FOXK2: variants seen among roughly 807,000 people sequenced by gnomAD.
The protein encoded by FOXK2 is forkhead box protein K2.
In FOXK2, 24 loss-of-function variants were observed where a neutral mutation model predicts 53.3. The ratio of observed to expected loss-of-function variants is 0.45; its 90% confidence interval spans 0.33 to 0.63. FOXK2 has a LOEUF of 0.63. FOXK2 is among the 30% of genes least tolerant of loss of function. FOXK2 has a pLI of 0.03. For missense variants in FOXK2, 952 were observed against 910.5 expected, an observed-to-expected ratio of 1.05 and a Z score of -0.59; for synonymous variants, 505 against 407.1, an observed-to-expected ratio of 1.24 and a Z score of -2.89.
intron 1 of FOXK2, among the ~76,000 whole-genome samples, chr17:82,530,603 C>T (rs1466028072): frequency 2.0e-5 from 3 of 151,056 alleles, no homozygotes; most frequent in Admixed American, 6.6e-5. Context: ...GTCCTCCTCC[C>T]GGGTTCAAAC....
At chr17:82,527,297 T>C (rs149250020) in intron 1 of FOXK2, among the ~76,000 whole-genome samples, 2,311 of 151,102 alleles carry the variant, frequency 0.015, 45 homozygotes, top group East Asian at 0.075. Flanking sequence ...TGCACCACCA[T>C]GCTGGCTAAT....
chr17:82,566,935 T>C (rs370177091), intron 2 of FOXK2, among the ~76,000 whole-genome samples: 1 of 152,254 alleles, frequency 6.6e-6, no homozygotes. Flanking sequence ...GTTGGCTCTT[T>C]AAACTCATAA....
chr17:82,603,913 T>A lies in FOXK2; in HGVS notation c.*2414T>A, dbSNP rs2045417607. On this transcript the variant is annotated 3_prime_UTR_variant, in exon 9 of 9. Coordinates refer to ENST00000335255, the MANE Select transcript of FOXK2 (RefSeq NM_004514.4). The stretch of plus-strand genomic sequence containing the variant: ...AGTAACAAACCATAGATGAGCAGAC[T>A]CCCACACCGGGTTTTCTTGCCCGTC... The A allele has an allele frequency of 6.6e-6, 1 of 152,148 alleles. No individual in the cohort carries two copies. Among genetic ancestry groups the A allele is most frequent in the Non-Finnish European group, 1.5e-5 (1 of 68,024 alleles). 9.4% of individuals were successfully genotyped at this position (152,148 alleles called of 1,614,324 possible). A position where few individuals can be genotyped will look rare whatever the true frequency, so the allele number is the denominator to read the frequency against.
chr17:82,582,150 C>T (rs2045071416), intron 4 of FOXK2, among the ~76,000 whole-genome samples: 2 of 152,290 alleles, frequency 1.3e-5, no homozygotes, highest in African/African-American at 4.8e-5. Flanking sequence ...TGGCTCACAT[C>T]AGCTCTGTTT....
At chr17:82,527,895 G>A (rs1380262844) in intron 1 of FOXK2, among the ~76,000 whole-genome samples, 26 of 152,110 alleles carry the variant, frequency 1.7e-4, no homozygotes, top group Admixed American at 1.6e-3. Context: ...TGAACTCCTG[G>A]ACTCAAGCGA....
At chr17:82,561,381 C>G (rs930088701) in intron 1 of FOXK2, among the ~76,000 whole-genome samples, 1 of 152,002 alleles carries the variant, frequency 6.6e-6, no homozygotes, top group Non-Finnish European at 1.5e-5. Flanking sequence ...GTGTAGAGTT[C>G]AAGGTCTGAG....
In FOXK2 at chr17:82,579,103, AG is replaced by A. The variant is rs147089483; in HGVS notation, c.910-3634del. Among the ~76,000 whole-genome samples, 1,102 of 152,266 alleles carry A rather than the reference AG, an allele frequency of 7.2e-3. 9 individuals carry two copies. Among genetic ancestry groups the A allele is most frequent in the African/African-American group, 0.026 (1,066 of 41,540 alleles). On this transcript the variant is annotated intron_variant, in intron 4 of 8. Coordinates refer to ENST00000335255, the MANE Select transcript of FOXK2 (RefSeq NM_004514.4). ...GGACTGGTCCTGGTAGAACAGCGAG[AG>A]GGGAAGTCGTCCTTCTCAGGCAGTG... is the stretch of plus-strand genomic sequence containing the variant.
chr17:82,568,029 AG>A (rs779219628), intron 2 of FOXK2, 24 bp from the exon 3 acceptor site: 1 of 1,580,882 alleles, frequency 6.3e-7, no homozygotes, highest in South Asian at 1.2e-5. Context: ...ATAGACTAAT[AG>A]GAACAACTTT....
intron 5 of FOXK2, 37 bp from the exon 6 acceptor site, chr17:82,583,976 G>C (rs2045099749): frequency 1.3e-6 from 2 of 1,555,616 alleles, no homozygotes; most frequent in Non-Finnish European, 1.7e-6. Context: ...GAGTGCGTCA[G>C]CTGTAACCAT....
At chr17:82,571,235 T>G (rs1231059536) in intron 3 of FOXK2, among the ~76,000 whole-genome samples, 2 of 152,222 alleles carry the variant, frequency 1.3e-5, no homozygotes, top group Non-Finnish European at 2.9e-5. Context: ...CTTATGTAAT[T>G]TTTAATATTC....
rs1433970887 is a variant in FOXK2 at position 82,603,644 on chromosome 17, T to C, written c.*2145T>C. ...ATCCTGGAACGTGGACTTCACATGATAGGTCTGGATCTGTTTCTGTTGGGA... is the reference window on the plus strand; with the variant it reads ...ATCCTGGAACGTGGACTTCACATGACAGGTCTGGATCTGTTTCTGTTGGGA... On this transcript the variant is annotated 3_prime_UTR_variant, in exon 9 of 9. Coordinates refer to ENST00000335255, the MANE Select transcript of FOXK2 (RefSeq NM_004514.4). 1.3e-5 allele frequency: 2 copies of C among 152,146 alleles called. No individual in the cohort carries two copies. Among genetic ancestry groups the C allele is most frequent in the Admixed American group, 1.3e-4 (2 of 15,278 alleles). 9.4% of individuals were successfully genotyped at this position (152,146 alleles called of 1,614,324 possible).
At chr17:82,520,883 T>C (rs746600519) in intron 1 of FOXK2, among the ~76,000 whole-genome samples, 15 of 152,202 alleles carry the variant, frequency 9.9e-5, no homozygotes, top group Non-Finnish European at 1.5e-4. Context: ...GGATTTTCAA[T>C]CTGTGCTCTG....
intron 8 of FOXK2, among the ~76,000 whole-genome samples, chr17:82,590,978 T>C (rs1162154088): frequency 6.6e-6 from 1 of 152,164 alleles, no homozygotes; most frequent in African/African-American, 2.4e-5. Flanking sequence ...AAGGGCAGCC[T>C]GGGCCGGTTC....
At chr17:82,586,731 G>T (rs1055602413) in intron 7 of FOXK2, among the ~76,000 whole-genome samples, 1 of 152,038 alleles carries the variant, frequency 6.6e-6, no homozygotes, top group African/African-American at 2.4e-5. Context: ...GAGAAACCCT[G>T]TCTCTACTAA....
At chr17:82,577,495 C>G (rs539052667) in intron 4 of FOXK2, 5 of 297,188 alleles carry the variant, frequency 1.7e-5, no homozygotes, top group Non-Finnish European at 2.5e-5. Flanking sequence ...CTGCGGCGTG[C>G]TCACTGCCCA....
In FOXK2 at chr17:82,519,901, G is replaced by T. The variant is rs867576757; in HGVS notation, c.13G>T (p.Ala5Ser). Residue 5 changes from alanine to serine, a missense_variant, in exon 1 of 9, where the codon GCG becomes TCG. Around this residue, in one of 5 missense-constraint regions of FOXK2, gnomAD observed 163 missense variants for 165.5 expected, o/e 0.98. Coordinates refer to ENST00000335255, the MANE Select transcript of FOXK2 (RefSeq NM_004514.4). MAAA[A>S]AALSGAGTPP... ...CTCACGCAGGCCCATGGCGGCGGCC[G>T]CGGCGGCGCTCTCGGGCGCGGGCAC... The T allele has an allele frequency of 1.0e-5, 10 of 977,982 alleles. No homozygotes were observed. The South Asian group carries it at 3.8e-4, about 37-fold the overall frequency. The allele number at this position is 977,982 out of a possible 1,614,324, so 60.6% of individuals were successfully genotyped here.
rs946211385 is a variant in FOXK2, at chr17:82,601,805, G to A, written c.*306G>A. ...AGGCATCGCTGTGTGAGGACGGCAC[G>A]GCCAGCGCCTGCTGTGAGTGGGTCT... On this transcript the variant is annotated 3_prime_UTR_variant, in exon 9 of 9. Coordinates refer to ENST00000335255, the MANE Select transcript of FOXK2 (RefSeq NM_004514.4). 1.1e-5 allele frequency: 3 copies of A among 276,720 alleles called. No homozygotes were observed. The highest frequency in any genetic ancestry group is 2.1e-5 in the African/African-American group (1 of 46,946). The allele number at this position is 276,720 out of a possible 1,614,324, so 17.1% of individuals were successfully genotyped here. A position where few individuals can be genotyped will look rare whatever the true frequency, so the allele number is the denominator to read the frequency against.
chr17:82,572,054 G>C, intron 4 of FOXK2, 184 bp downstream of exon 4: 1 of 501,250 alleles, frequency 2.0e-6, no homozygotes, highest in Non-Finnish European at 3.4e-6. Context: ...TCTTTGTGTG[G>C]AGCAGAAGGA....
intron 8 of FOXK2, chr17:82,596,132 G>A (rs1244731110): frequency 1.6e-5 from 17 of 1,039,896 alleles, no homozygotes; most frequent in Middle Eastern, 4.6e-4. Flanking sequence ...CTGCGACCGC[G>A]ATTGCAGGGA....
Sources: allele counts gnomAD v4.1 joint callset (sites outside exome capture counted in the v4.1 genomes callset), GRCh38; gene constraint gnomAD v4.1.1; regional missense constraint gnomAD v4.1.1; transcripts MANE v1.5; gene names NCBI Gene and HGNC (gene_info 2026-07-23, HGNC 2026-07-21).